CDH18: variants seen among roughly 807,000 people sequenced by gnomAD.
CDH18 encodes cadherin 18, also known as cadherin-18.
A neutral mutation model predicts 67.9 loss-of-function variants in CDH18; 31 were observed. That is an observed-to-expected ratio of 0.46 (90% confidence interval 0.34 to 0.62). The LOEUF (loss-of-function observed/expected upper bound fraction) is 0.62, where lower values mean the gene tolerates loss of function less well. Ranked by LOEUF, CDH18 falls within the 20% of genes least tolerant of loss-of-function variation. The probability of loss-of-function intolerance (pLI) is 0.01; values close to 1 mark genes in which losing one functional copy is unlikely to be tolerated. For synonymous variants in CDH18, 362 were observed against 347.2 expected (o/e 1.04, Z -0.48); for missense variants, 890 against 975.5 (o/e 0.91, Z 1.17).
chr5:20,354,672 A>G (rs1388361302), intron 1 of CDH18, among the ~76,000 whole-genome samples: 1 of 152,144 alleles, frequency 6.6e-6, no homozygotes, highest in African/African-American at 2.4e-5. Flanking sequence ...TAGGTGTCCC[A>G]AAGTGCTGGG....
chr5:20,236,928 C>T (rs1438248769), intron 2 of CDH18, among the ~76,000 whole-genome samples: 2 of 151,778 alleles, frequency 1.3e-5, no homozygotes, highest in Admixed American at 1.3e-4. Context: ...AACATGCTAG[C>T]AAATCAAATC....
chr5:19,970,771 A>G (rs1797945177), intron 2 of CDH18, among the ~76,000 whole-genome samples: 2 of 150,982 alleles, frequency 1.3e-5, no homozygotes, highest in Non-Finnish European at 3.0e-5. Context: ...AATCTTTGAG[A>G]TTAAATATTA....
At chr5:20,301,487 T>C (rs1315592271) in intron 1 of CDH18, among the ~76,000 whole-genome samples, 1 of 152,160 alleles carries the variant, frequency 6.6e-6, no homozygotes, top group Non-Finnish European at 1.5e-5. Flanking sequence ...GAGTGCCTGA[T>C]TGGAAAAGAC....
At chr5:20,181,373 T>C (rs1737671966) in intron 2 of CDH18, among the ~76,000 whole-genome samples, 2 of 152,074 alleles carry the variant, frequency 1.3e-5, no homozygotes, top group African/African-American at 2.4e-5. Context: ...TCCCAGGATA[T>C]CTTGCTGCAG....
chr5:20,137,657 A>C (rs1352942820), intron 2 of CDH18, among the ~76,000 whole-genome samples: 1 of 152,014 alleles, frequency 6.6e-6, no homozygotes, highest in East Asian at 1.9e-4. Context: ...TCTGGAGGAG[A>C]AGAGGCACTC....
intron 1 of CDH18, among the ~76,000 whole-genome samples, chr5:20,530,369 T>C (rs1245030160): frequency 6.6e-6 from 1 of 151,452 alleles, no homozygotes; most frequent in Non-Finnish European, 1.5e-5. Context: ...CTTCACACAA[T>C]TAGAAAAAAA....
chr5:19,678,855 G>A (rs1459841823), intron 5 of CDH18, among the ~76,000 whole-genome samples: 2 of 151,732 alleles, frequency 1.3e-5, no homozygotes, highest in African/African-American at 2.4e-5. Context: ...GATTCACAGC[G>A]AGTTTCTACC....
At chr5:20,031,328 T>G (rs1316776274) in intron 2 of CDH18, among the ~76,000 whole-genome samples, 3 of 152,176 alleles carry the variant, frequency 2.0e-5, no homozygotes, top group Admixed American at 2.0e-4. Context: ...GGTTTAAAAT[T>G]TTTGTGAATT....
intron 2 of CDH18, among the ~76,000 whole-genome samples, chr5:20,118,215 G>GA (rs1580282520): frequency 2.0e-5 from 3 of 151,926 alleles, no homozygotes; most frequent in African/African-American, 4.8e-5. Flanking sequence ...TTTTTTTAAA[G>GA]AAAAAAAGCG....
At chr5:20,304,984 T>C (rs550919206) in intron 1 of CDH18, 25 of 1,613,890 alleles carry the variant, frequency 1.5e-5, no homozygotes, top group Admixed American at 1.0e-4. Context: ...CTGCTTGTGA[T>C]AGGCATTTCT....
intron 5 of CDH18, among the ~76,000 whole-genome samples, chr5:19,694,670 TGTGTG>T (rs747388775): frequency 2.0e-5 from 3 of 151,788 alleles, no homozygotes; most frequent in Non-Finnish European, 4.4e-5. Context: ...TGTGTGTGTG[TGTGTG>T]TCTGTGTGTG....
At chr5:19,541,040 T>G (rs1264408847) in intron 9 of CDH18, among the ~76,000 whole-genome samples, 2 of 152,098 alleles carry the variant, frequency 1.3e-5, no homozygotes, top group African/African-American at 4.8e-5. Flanking sequence ...TTGAACTCTT[T>G]GTCGCTTAGA....
Position 20,563,956 on chromosome 5 carries a change from G to A in CDH18, c.-580+11506C>T, listed in dbSNP as rs535593182. On this transcript the variant is annotated intron_variant, in intron 1 of 14. Coordinates refer to the CDH18 transcript ENST00000507958. ...GCCCCAGTAACCTCTAGTTATAGAA[G>A]GAACCCATGGTAAGTTTAATCTATG... 2.6e-5 allele frequency among the ~76,000 whole-genome samples: 4 copies of A among 152,130 alleles called. No individual in the cohort carries two copies. In the East Asian group the frequency reaches 7.7e-4, roughly 29 times the overall value.
intron 2 of CDH18, among the ~76,000 whole-genome samples, chr5:20,200,663 G>A (rs2126753296): frequency 6.6e-6 from 1 of 152,070 alleles, no homozygotes; most frequent in Middle Eastern, 3.4e-3. Flanking sequence ...GCAACAGAGT[G>A]AGAGCCCATT....
intron 2 of CDH18, among the ~76,000 whole-genome samples, chr5:20,032,541 C>T (rs1399377811): frequency 1.3e-5 from 2 of 151,948 alleles, no homozygotes; most frequent in East Asian, 1.9e-4. Flanking sequence ...GTGTGAATCT[C>T]GAATCTTATC....
rs148257971 is a variant in CDH18 at position 19,619,852 on chromosome 5, T to C, written c.644-7251A>G. Among the ~76,000 whole-genome samples the C allele has an allele frequency of 3.4e-3, 522 of 152,308 alleles. 1 individual carries two copies. Among genetic ancestry groups the C allele is most frequent in the African/African-American group, 0.012 (502 of 41,568 alleles). ...CTCCAAGCTTCCAGTGGGTGATGGA[T>C]TAAAACCTCAGATTTTATTTTACTT... On this transcript the variant is annotated intron_variant, in intron 5 of 12. Transcript: ENST00000382275.
chr5:20,095,376 AAAGAAAAGAGAAACAG>A (rs1187692443), intron 2 of CDH18, among the ~76,000 whole-genome samples: 351 of 139,854 alleles, frequency 2.5e-3, no homozygotes, highest in Non-Finnish European at 3.3e-3. Context: ...CAGAAGAAAG[AAAGAAAAGAGAAACAG>A]AAGAAAGAAA....
At chr5:20,459,510 C>T (rs1472891) in intron 1 of CDH18, among the ~76,000 whole-genome samples, 143,798 of 152,238 alleles carry the variant, frequency 0.94, 68,098 homozygotes, top group South Asian at 0.99. Context: ...GTTTCTTGAG[C>T]GGAAGGGTTA....
chr5:20,505,211 T>G (rs1482631062), intron 1 of CDH18, among the ~76,000 whole-genome samples: 1 of 152,176 alleles, frequency 6.6e-6, no homozygotes, highest in Non-Finnish European at 1.5e-5. Context: ...GAGAACATCC[T>G]GTGAAGATTC....
Sources: gnomAD v4.1 joint callset for allele counts (sites outside exome capture counted in the v4.1 genomes callset) on GRCh38, gnomAD v4.1.1 for gene constraint, MANE v1.5 for transcripts, NCBI Gene and HGNC (gene_info 2026-07-23, HGNC 2026-07-21) for gene names.